The following NALCN variants were observed in gnomAD, a reference collection of about 807,000 sequenced individuals.
NALCN encodes sodium leak channel, non-selective, also known as sodium leak channel NALCN.
In NALCN, 111 loss-of-function variants were observed where a neutral mutation model predicts 225.3. The ratio of observed to expected loss-of-function variants is 0.49; its 90% CI spans 0.42 to 0.58. The LOEUF (loss-of-function observed/expected upper bound fraction) is 0.58. Ranked by LOEUF, NALCN falls within the 20% of genes least tolerant of loss-of-function variation. The pLI, the probability that NALCN is intolerant of heterozygous loss-of-function variation, is 0.00. For synonymous variants in NALCN, 764 were observed against 769.0 expected, an observed-to-expected ratio of 0.99 and a Z score of 0.11; for missense variants, 1,378 against 2,202.4, an observed-to-expected ratio of 0.63 and a Z score of 7.49.
intron 13 of NALCN, among the ~76,000 whole-genome samples, chr13:101,216,753 G>A (rs1212108749): frequency 6.6e-6 from 1 of 151,960 alleles, no homozygotes; most frequent in Non-Finnish European, 1.5e-5. Flanking sequence ...CTAACTGCAC[G>A]ACTAGTCATT....
rs1051785758 is a variant in NALCN, at chr13:101,225,918, A to G, written c.1626+3475T>C. On this transcript the variant is annotated intron_variant, in intron 13 of 43. Coordinates refer to ENST00000251127, the MANE Select transcript of NALCN (RefSeq NM_052867.4). The stretch of plus-strand genomic sequence containing the variant: ...GATTTTTTAACTGACAGGATCATGG[A>G]CATCTCACAATTACCTAAAAACATC... Among the ~76,000 whole-genome samples, 6 of 152,128 alleles carry G rather than the reference A, an allele frequency of 3.9e-5. No homozygotes were observed. The East Asian group carries it at 9.6e-4, about 24-fold the overall frequency.
intron 6 of NALCN, among the ~76,000 whole-genome samples, chr13:101,371,146 C>T (rs965199340): frequency 2.0e-5 from 3 of 152,166 alleles, no homozygotes; most frequent in Non-Finnish European, 4.4e-5. Context: ...ATTAGTTTAT[C>T]TATCTGTTGA....
chr13:101,237,632 A>G (rs2041609982), intron 12 of NALCN, 123 bp downstream of exon 12: 2 of 431,532 alleles, frequency 4.6e-6, no homozygotes, highest in Non-Finnish European at 7.0e-6. Context: ...GTTCATATTT[A>G]CCATAATAGT....
chr13:101,066,069 T>C (rs2032360901), intron 39 of NALCN, among the ~76,000 whole-genome samples: 1 of 152,206 alleles, frequency 6.6e-6, no homozygotes, highest in Admixed American at 6.5e-5. Context: ...ATCATGCCTG[T>C]AATCTCAGCA....
intron 14 of NALCN, chr13:101,180,893 T>C: frequency 2.7e-6 from 1 of 367,316 alleles, no homozygotes; most frequent in Non-Finnish European, 5.3e-6. Context: ...CAGAAATCAG[T>C]CTTATTTCTT....
rs2042533931 is a variant in NALCN at position 101,264,491 on chromosome 13, T to G, written c.1135-5917A>C. 2.0e-5 allele frequency among the ~76,000 whole-genome samples: 3 copies of G among 151,918 alleles called. No homozygotes were observed. The South Asian group carries it at 6.2e-4, about 32-fold the overall frequency. On this transcript the variant is annotated intron_variant, in intron 10 of 43. Coordinates refer to ENST00000251127, the MANE Select transcript of NALCN (RefSeq NM_052867.4). The stretch of plus-strand genomic sequence containing the variant: ...CAGGAATGAGCATTGTTACTCAAAG[T>G]GTGGTCCCTGGACCAGCAGCAACCT...
chr13:101,085,589 T>G (rs1055144033), intron 30 of NALCN, among the ~76,000 whole-genome samples: 3 of 152,266 alleles, frequency 2.0e-5, no homozygotes, highest in Admixed American at 1.3e-4. Flanking sequence ...ATGTTTGAGG[T>G]GATAGATATG....
chr13:101,236,954 A>G (rs1434375690), intron 12 of NALCN, among the ~76,000 whole-genome samples: 1 of 23,152 alleles, frequency 4.3e-5, no homozygotes, highest in Non-Finnish European at 1.0e-4. Context: ...AAATAATATA[A>G]AATAAAATAA....
At chr13:101,185,847 G>A (rs1029731500) in intron 14 of NALCN, among the ~76,000 whole-genome samples, 10 of 152,146 alleles carry the variant, frequency 6.6e-5, no homozygotes, top group Admixed American at 3.3e-4. Context: ...ACCACTGTTC[G>A]GTGTGAACAA....
At position 101,110,607 on chromosome 13, in the gene NALCN, C is replaced by T. The variant is rs2035375419; in HGVS notation, c.2364+12G>A. The T allele has an allele frequency of 1.2e-6, 2 of 1,613,716 alleles. No homozygotes were observed. The highest frequency in any genetic ancestry group is 8.5e-7 in the Non-Finnish European group (1 of 1,179,794). On this transcript the variant is annotated intron_variant, in intron 20 of 43. Transcript: ENST00000251127. ...CACGTTTCTGAAATCCAAAGCATTGCTTAAAACTTACATCTTGAGTCAAAG... is the reference window on the plus strand; with the variant it reads ...CACGTTTCTGAAATCCAAAGCATTGTTTAAAACTTACATCTTGAGTCAAAG...
intron 13 of NALCN, among the ~76,000 whole-genome samples, chr13:101,210,065 G>T (rs117911838): frequency 6.6e-6 from 1 of 152,246 alleles, no homozygotes; most frequent in East Asian, 1.9e-4. Context: ...AGCTACTAAG[G>T]TTCTTTCTGC....
At chr13:101,058,643 C>CATCT in intron 42 of NALCN, 1 of 150,004 alleles carries the variant, frequency 6.7e-6, no homozygotes, top group East Asian at 2.0e-4. Context: ...TTGGTCTTCA[C>CATCT]ATCTCTTTAG....
At chr13:101,365,687 T>C (rs1382979712) in intron 6 of NALCN, among the ~76,000 whole-genome samples, 2 of 152,096 alleles carry the variant, frequency 1.3e-5, no homozygotes, top group Admixed American at 6.6e-5. Context: ...ATTGTCTACA[T>C]TGAGATTCCT....
chr13:101,140,001 G>A (rs1002726769), intron 17 of NALCN, among the ~76,000 whole-genome samples: 1 of 152,162 alleles, frequency 6.6e-6, no homozygotes, highest in African/African-American at 2.4e-5. Flanking sequence ...CCAAGAACTG[G>A]TGGGAACTAT....
At chr13:101,185,754 G>A (rs1388876954) in intron 14 of NALCN, among the ~76,000 whole-genome samples, 1 of 152,202 alleles carries the variant, frequency 6.6e-6, no homozygotes, top group Non-Finnish European at 1.5e-5. Flanking sequence ...AGAACAAGCT[G>A]CAACCACACA....
At chr13:101,195,357 T>C (rs1225523796) in intron 13 of NALCN, among the ~76,000 whole-genome samples, 1 of 152,248 alleles carries the variant, frequency 6.6e-6, no homozygotes, top group Non-Finnish European at 1.5e-5. Flanking sequence ...CCTATACATT[T>C]CTTATATTTT....
intron 6 of NALCN, among the ~76,000 whole-genome samples, chr13:101,357,055 T>A (rs996853366): frequency 6.6e-6 from 1 of 152,152 alleles, no homozygotes; most frequent in Non-Finnish European, 1.5e-5. Flanking sequence ...TAAGTGCTAT[T>A]TGTGACAAAC....
intron 10 of NALCN, among the ~76,000 whole-genome samples, chr13:101,258,872 T>C (rs2042325639): frequency 6.6e-6 from 1 of 152,228 alleles, no homozygotes; most frequent in Non-Finnish European, 1.5e-5. Context: ...TGGGTAGTAT[T>C]TATCCTTAAT....
At chr13:101,160,110 A>G (rs2038099504) in intron 15 of NALCN, among the ~76,000 whole-genome samples, 1 of 152,006 alleles carries the variant, frequency 6.6e-6, no homozygotes, top group South Asian at 2.1e-4. Flanking sequence ...ACACACCACC[A>G]TGCCTGACTA....
Sources: allele counts gnomAD v4.1 joint callset (sites outside exome capture counted in the v4.1 genomes callset), GRCh38; gene constraint gnomAD v4.1.1; transcripts MANE v1.5; gene names NCBI Gene and HGNC (gene_info 2026-07-23, HGNC 2026-07-21).